SGK1: variants seen among roughly 807,000 people sequenced by gnomAD.
SGK1 encodes serine/threonine-protein kinase Sgk1.
SGK1 carries 26 observed loss-of-function variants against 64.2 expected under a neutral mutation model. The observed-to-expected ratio is 0.40, with a 90% CI of 0.30 to 0.56. The LOEUF (loss-of-function observed/expected upper bound fraction) is 0.56, where lower values mean the gene tolerates loss of function less well. Ranked by LOEUF, SGK1 falls within the 20% of genes least tolerant of loss-of-function variation. The pLI is 0.38. For synonymous variants in SGK1, 265 were observed against 239.7 expected (o/e 1.11, Z -0.98); for missense variants, 519 against 645.6 (o/e 0.80, Z 2.12).
chr6:134,219,842 G>A (rs1320271467), intron 2 of SGK1, among the ~76,000 whole-genome samples: 7 of 147,670 alleles, frequency 4.7e-5, no homozygotes, highest in African/African-American at 1.7e-4. Flanking sequence ...GGCGGATCAC[G>A]AGGTCAGGAG....
chr6:134,183,090 G>A (rs1775356552), intron 3 of SGK1, among the ~76,000 whole-genome samples: 1 of 152,012 alleles, frequency 6.6e-6, no homozygotes, highest in Admixed American at 6.6e-5. Flanking sequence ...ATGAGAAGAG[G>A]AACAAGATCC....
At chr6:134,309,597 A>T in intron 1 of SGK1, among the ~76,000 whole-genome samples, 1 of 148,002 alleles carries the variant, frequency 6.8e-6, no homozygotes, top group South Asian at 2.1e-4. Context: ...ATTACAGAGG[A>T]TGTGGATCTC....
At chr6:134,214,593 AT>A (rs565512221) in intron 2 of SGK1, among the ~76,000 whole-genome samples, 118 of 111,940 alleles carry the variant, frequency 1.1e-3, no homozygotes, top group African/African-American at 3.2e-3. Context: ...AAAAAAAAAA[AT>A]TAATGAAAGT....
chr6:134,283,888 A>C (rs1777138959), intron 1 of SGK1, among the ~76,000 whole-genome samples: 2 of 144,988 alleles, frequency 1.4e-5, no homozygotes, highest in African/African-American at 2.7e-5. Flanking sequence ...AAAAAAAAAA[A>C]AAAAAAAAAA....
chr6:134,249,148 G>A (rs960928689), intron 2 of SGK1, among the ~76,000 whole-genome samples: 1 of 152,168 alleles, frequency 6.6e-6, no homozygotes, highest in Non-Finnish European at 1.5e-5. Flanking sequence ...CAAGGTCAAA[G>A]TCAGAAACCT....
chr6:134,267,012 AG>A (rs1268504569), intron 1 of SGK1, among the ~76,000 whole-genome samples: 1 of 152,162 alleles, frequency 6.6e-6, no homozygotes, highest in Non-Finnish European at 1.5e-5. Context: ...ATTTAACTTT[AG>A]GGTTACTGTG....
At chr6:134,192,125 G>C (rs1378658423) in intron 3 of SGK1, among the ~76,000 whole-genome samples, 2 of 151,792 alleles carry the variant, frequency 1.3e-5, no homozygotes, top group Non-Finnish European at 2.9e-5. Context: ...CACCGCGCCC[G>C]GCCCTGATTT....
chr6:134,308,608 G>A (rs142910914), intron 1 of SGK1, among the ~76,000 whole-genome samples: 2 of 152,184 alleles, frequency 1.3e-5, no homozygotes, highest in Admixed American at 1.3e-4. Flanking sequence ...CCAGCCTGGC[G>A]TGAAGTGGTG....
At chr6:134,285,610 A>C (rs545684912) in intron 1 of SGK1, among the ~76,000 whole-genome samples, 1 of 148,508 alleles carries the variant, frequency 6.7e-6, no homozygotes, top group South Asian at 2.1e-4. Context: ...TTTAATTTGC[A>C]TTTCCCTGAT....
At chr6:134,215,127 T>C in intron 2 of SGK1, 1 of 320,080 alleles carries the variant, frequency 3.1e-6, no homozygotes, top group Non-Finnish European at 6.2e-6. Context: ...GTTTTCTTTC[T>C]TTCTTTCTTT....
intron 3 of SGK1, among the ~76,000 whole-genome samples, chr6:134,181,710 CTAAGGACT>C (rs1395486838): frequency 6.6e-6 from 1 of 152,110 alleles, no homozygotes; most frequent in Non-Finnish European, 1.5e-5. Context: ...CGGGCCACCC[CTAAGGACT>C]TAAGGACTGT....
intron 2 of SGK1, chr6:134,261,503 T>G (rs149960740): frequency 6.1e-4 from 202 of 329,478 alleles, no homozygotes; most frequent in African/African-American, 4.0e-3. Context: ...AGGGGATGAA[T>G]AGTGGAGGGC....
intron 1 of SGK1, among the ~76,000 whole-genome samples, chr6:134,295,835 G>T (rs1204968280): frequency 6.6e-6 from 1 of 152,226 alleles, no homozygotes; most frequent in Non-Finnish European, 1.5e-5. Context: ...TAAGGTTCAA[G>T]GTGGCCTGAG....
chr6:134,215,602 T>C (rs1302797738), intron 2 of SGK1, among the ~76,000 whole-genome samples: 2 of 151,402 alleles, frequency 1.3e-5, no homozygotes, highest in African/African-American at 4.8e-5. Flanking sequence ...AGTGAGCACA[T>C]GCGCGCGGTG....
chr6:134,215,691 G>A (rs972941405), intron 2 of SGK1, among the ~76,000 whole-genome samples: 2 of 151,650 alleles, frequency 1.3e-5, no homozygotes, highest in African/African-American at 4.8e-5. Context: ...GACCAGCCTG[G>A]CCAAAATGGC....
chr6:134,280,331 G>A (rs369096973), intron 1 of SGK1, among the ~76,000 whole-genome samples: 3 of 151,994 alleles, frequency 2.0e-5, no homozygotes, highest in Non-Finnish European at 2.9e-5. Flanking sequence ...TCTTACTCAC[G>A]GCTGTCTTGA....
At chr6:134,261,206 C>T (rs4896035) in intron 2 of SGK1, 77,025 of 151,940 alleles carry the variant, frequency 0.51, 20,788 homozygotes, top group African/African-American at 0.69. Flanking sequence ...GAAAAGTATA[C>T]ATAGTGCTCT....
intron 1 of SGK1, among the ~76,000 whole-genome samples, chr6:134,299,126 AG>A (rs1212670301): frequency 6.6e-6 from 1 of 151,900 alleles, no homozygotes; most frequent in African/African-American, 2.4e-5. Flanking sequence ...TTGCATTTAA[AG>A]AAAGCAATCT....
At chr6:134,292,590 CA>C (rs1053304427) in intron 1 of SGK1, among the ~76,000 whole-genome samples, 1 of 146,654 alleles carries the variant, frequency 6.8e-6, no homozygotes, top group South Asian at 2.2e-4. Context: ...GAGACTGTCT[CA>C]AAAAAAAAGA....
Sources: allele counts gnomAD v4.1 joint callset (sites outside exome capture counted in the v4.1 genomes callset), GRCh38; gene constraint gnomAD v4.1.1; transcripts MANE v1.5; gene names NCBI Gene and HGNC (gene_info 2026-07-23, HGNC 2026-07-21).